Variants in HR observed in about 807,000 individuals in gnomAD.
The protein encoded by HR is lysine-specific demethylase hairless.
A neutral mutation model predicts 128.6 loss-of-function variants in HR; 83 were observed. The ratio of observed to expected loss-of-function variants is 0.65; its 90% CI spans 0.54 to 0.77. The LOEUF is 0.77. Among genes scored for constraint, HR ranks in the 30% least tolerant of loss-of-function variants. The pLI is 0.00. For missense variants in HR, 1,490 were observed against 1,574.6 expected, an observed-to-expected ratio of 0.95 and a Z score of 0.91; for synonymous variants, 681 against 658.2, an observed-to-expected ratio of 1.03 and a Z score of -0.53.
intron 6 of HR, 102 bp downstream of exon 6, chr8:22,123,547 T>C (rs1191523920): frequency 2.6e-6 from 3 of 1,165,636 alleles, no homozygotes; most frequent in South Asian, 2.9e-5. Flanking sequence ...GTGCAGTGGG[T>C]AGGGGGCTTT....
At chr8:22,123,616 A>AGAAC in intron 6 of HR, 33 bp downstream of exon 6, 1 of 562,348 alleles carries the variant, frequency 1.8e-6, no homozygotes, top group Admixed American at 3.3e-5. Flanking sequence ...TGAGGGCTCC[A>AGAAC]TCCCGCCCTC....
chr8:22,121,733 G>C (rs1219833489), intron 8 of HR, 39 bp from the exon 9 acceptor site: 2 of 1,589,746 alleles, frequency 1.3e-6, no homozygotes, highest in Middle Eastern at 1.7e-4. Flanking sequence ...TCCAACCAGA[G>C]ATTTTAAAAT....
intron 3 of HR, among the ~76,000 whole-genome samples, 176 bp from the exon 4 acceptor site, chr8:22,125,908 G>A (rs1475295756): frequency 6.6e-6 from 1 of 152,190 alleles, no homozygotes; most frequent in Non-Finnish European, 1.5e-5. Flanking sequence ...AGGCTCGCAC[G>A]CCAGGCTGAG....
Position 22,115,319 on chromosome 8 carries a change from C to A in HR, c.*381G>T, listed in dbSNP as rs1225914162. On this transcript the variant is annotated 3_prime_UTR_variant, in exon 19 of 19. Coordinates refer to ENST00000381418, the MANE Select transcript of HR (RefSeq NM_005144.5). The stretch of plus-strand genomic sequence containing the variant: ...AGCTGGGGCAGTAGAGTGGGCTCAG[C>A]GGGAGTGAGCAGCAGGAGGAGGTGT... The A allele has an allele frequency of 2.7e-6, 1 of 363,910 alleles. No individual in the cohort carries two copies. The allele number at this position is 363,910 out of a possible 1,614,324, so 22.5% of individuals were successfully genotyped here. A position where few individuals can be genotyped will look rare whatever the true frequency, so the allele number is the denominator to read the frequency against.
intron 1 of HR, among the ~76,000 whole-genome samples, chr8:22,129,437 GC>G (rs1338437052): frequency 2.6e-5 from 4 of 152,248 alleles, no homozygotes; most frequent in African/African-American, 4.8e-5. Context: ...CTGGGCCAGT[GC>G]CCCTCAGCGG....
At chr8:22,123,496 T>C (rs1826805497) in intron 6 of HR, among the ~76,000 whole-genome samples, 153 bp downstream of exon 6, 1 of 152,214 alleles carries the variant, frequency 6.6e-6, no homozygotes, top group African/African-American at 2.4e-5. Context: ...AGGGGAAGTC[T>C]GCTCTAAGGG....
Position 22,117,018 on chromosome 8 carries a change from C to G in HR, c.3235G>C (p.Ala1079Pro). ...CTGCCTGGGGCGCCAGGCTCCAGGG[C>G]GCCTGCCCCGGCCGGGCACACCTCA... ...LQMVCPAGAGALEPGAPGSCY... is the reference protein window; with the variant it reads ...LQMVCPAGAGPLEPGAPGSCY... The change falls in exon 17 of 19, where the codon GCC (alanine) becomes CCC (proline). Residue 1079 changes from alanine to proline, a missense_variant. Around this residue, in one of 3 missense-constraint regions of HR, gnomAD observed 423 missense variants for 495.9 expected, o/e 0.85. Coordinates refer to ENST00000381418, the MANE Select transcript of HR (RefSeq NM_005144.5). 6 of 1,514,352 alleles carry G rather than the reference C, an allele frequency of 4.0e-6. No individual in the cohort carries two copies. Among genetic ancestry groups the G allele is most frequent in the Non-Finnish European group, 5.3e-6 (6 of 1,136,662 alleles). The allele number at this position is 1,514,352 out of a possible 1,614,324, so 93.8% of individuals were successfully genotyped here.
At position 22,115,770 on chromosome 8, in the gene HR, A is replaced by G. The variant is rs185437175; in HGVS notation, c.3508-8T>C. The G allele has an allele frequency of 3.7e-6, 6 of 1,613,854 alleles. No homozygotes were observed. In the African/African-American group the frequency reaches 6.7e-5, roughly 18 times the overall value. ...GAACACAGCCCAGTCCATCTAGGAAAAAGAGAGAGGACAAAGCATTTTCAA... is the reference window on the plus strand; with the variant it reads ...GAACACAGCCCAGTCCATCTAGGAAGAAGAGAGAGGACAAAGCATTTTCAA... On this transcript the variant is annotated splice_region_variant and splice_polypyrimidine_tract_variant and intron_variant, in intron 18 of 18. Coordinates refer to ENST00000381418, the MANE Select transcript of HR (RefSeq NM_005144.5).
Position 22,119,806 on chromosome 8 carries a change from C to A in HR, c.2931G>T (p.Pro977=). The change falls in exon 14 of 19, where the codon CCG becomes CCT. Residue 977 remains proline (P), a synonymous_variant. Coordinates refer to ENST00000381418, the MANE Select transcript of HR (RefSeq NM_005144.5). ...GKLNLASYLP[P]GLALRPLEPQ... ...GCTCCAGTGGACGCAGGGCAAGGCC[C>A]GGTGGGAGGTAGGAAGCCAGGTTGA... The A allele has an allele frequency of 6.2e-7, 1 of 1,613,626 alleles. No homozygotes were observed. The highest frequency in any genetic ancestry group is 8.5e-7 in the Non-Finnish European group (1 of 1,179,902).
rs758392115 is a variant in HR at position 22,118,979 on chromosome 8, C to T, written c.3184G>A (p.Ala1062Thr). 92 of 1,612,064 alleles carry T rather than the reference C, an allele frequency of 5.7e-5. No homozygotes were observed. Among genetic ancestry groups the T allele is most frequent in the Middle Eastern group, 1.9e-4 (1 of 5,390 alleles). Residue 1062 changes from alanine (A) to threonine (T), a missense_variant, in exon 16 of 19, where the codon GCC becomes ACC. Transcript: ENST00000381418. ...TVWHVFRAQD[A>T]QRIRRFLQMV... ...TGGAGAAAGCGGCGGATGCGCTGGG[C>T]GTCCTGTGCCCGGAACACGTGCCAC... is the stretch of plus-strand genomic sequence containing the variant.
At chr8:22,118,162 C>T (rs1355821477) in intron 16 of HR, 3 of 152,734 alleles carry the variant, frequency 2.0e-5, no homozygotes, top group African/African-American at 7.2e-5. Context: ...ATGCTGGCCT[C>T]TGCACGTCTC....
Position 22,116,902 on chromosome 8 carries a change from C to T in HR, c.3351G>A (p.Val1117=). 6.4e-7 allele frequency: 1 copy of T among 1,566,482 alleles called. No homozygotes were observed. ...GGTGGGGAGCCCCTGCAGGCACCAG[C>T]ACGGCCTCTCCGGGGGCCTGGAGCA... ...WTLLQAPGEA[V]LVPAGAPHQV... The change falls in exon 17 of 19, where the codon GTG becomes GTA. Residue 1117 remains valine (V), a synonymous_variant. Transcript: ENST00000381418. This position sits in a 1 kb window ranked among gnomAD's most constrained non-coding sequence, Gnocchi z 4.2.
intron 12 of HR, 27 bp from the exon 13 acceptor site, chr8:22,120,200 G>A (rs1259040953): frequency 6.3e-7 from 1 of 1,593,144 alleles, no homozygotes; most frequent in Non-Finnish European, 8.5e-7. Context: ...AACGGCCATT[G>A]GCCTCCTCAG....
Position 22,120,820 on chromosome 8 carries a change from G to T in HR, c.2506C>A (p.Arg836=). The change falls in exon 11 of 19, where the codon CGG becomes AGG. Residue 836 remains arginine, a synonymous_variant. Transcript: ENST00000381418. ...GCCCCTGGGGGAGGCAGCCGGGGCC[G>T]CACTGGAGAGAGGGGCAGGCCCAGG... ...KGLGLPLSPV[R]PRLPPPGALL... is the part of the protein sequence containing the mutation. 3 of 1,550,424 alleles carry T rather than the reference G, an allele frequency of 1.9e-6. No homozygotes were observed. The highest frequency in any genetic ancestry group is 1.7e-6 in the Non-Finnish European group (2 of 1,146,766).
chr8:22,122,076 T>C (rs1199677987), intron 8 of HR, among the ~76,000 whole-genome samples: 1 of 152,182 alleles, frequency 6.6e-6, no homozygotes, highest in East Asian at 1.9e-4. Context: ...ATGACTTTTA[T>C]AATAAGAACA....
rs756365014 is a variant in HR at position 22,119,153 on chromosome 8, C to T, written c.3097+11G>A. On this transcript the variant is annotated intron_variant, in intron 15 of 18. Transcript: ENST00000381418. ...GCTTGTCCCCGCTCCTGCCTCTGGCCGAGGACCTACCTTTCTGTGCCCGGT... is the reference window on the plus strand; with the variant it reads ...GCTTGTCCCCGCTCCTGCCTCTGGCTGAGGACCTACCTTTCTGTGCCCGGT... 41 of 1,613,772 alleles carry T rather than the reference C, an allele frequency of 2.5e-5. No homozygotes were observed. Among genetic ancestry groups the T allele is most frequent in the Non-Finnish European group, 3.2e-5 (38 of 1,180,016 alleles).
chr8:22,123,782 T>A lies in HR; in HGVS notation c.1782A>T (p.Pro594=). The change falls in exon 6 of 19, where the codon CCA becomes CCT. Residue 594 remains proline, a synonymous_variant. Coordinates refer to ENST00000381418, the MANE Select transcript of HR (RefSeq NM_005144.5). ...AACGGCTGCAGCAGCGTGGAATGCC[T>A]GGGCTGTCCTCTGTCACGGCTGGCC... The part of the protein sequence containing the change: ...GQGPAVTEDS[P]GIPRCCSRCH... 6.2e-7 allele frequency: 1 copy of A among 1,604,134 alleles called. No individual in the cohort carries two copies. Among genetic ancestry groups the A allele is most frequent in the Non-Finnish European group, 8.5e-7 (1 of 1,177,962 alleles).
chr8:22,127,626 G>A lies in HR; in HGVS notation c.816C>T (p.Asp272=). The change falls in exon 3 of 19, where the codon GAC becomes GAT. Residue 272 remains aspartate, a synonymous_variant. Transcript: ENST00000381418. ...NPCPLFLGQP[D]TVPWTSWPAC... is the part of the protein sequence containing the mutation. ...CGGGCCAGGAGGTCCAGGGCACAGT[G>A]TCTGGCTGCCCCAGGAAGAGCGGGC... is the stretch of plus-strand genomic sequence containing the variant. The A allele has an allele frequency of 6.2e-7, 1 of 1,610,400 alleles. No homozygotes were observed. Among genetic ancestry groups the A allele is most frequent in the Non-Finnish European group, 8.5e-7 (1 of 1,179,182 alleles).
Position 22,119,858 on chromosome 8 carries a change from G to A in HR, c.2879C>T (p.Pro960Leu), listed in dbSNP as rs779682043. 200 of 1,613,650 alleles carry A rather than the reference G, an allele frequency of 1.2e-4. No individual in the cohort carries two copies. The highest frequency in any genetic ancestry group is 1.6e-4 in the Non-Finnish European group (192 of 1,180,014). ...TTTTCCATGGAGGGCGCAGTACTCC[G>A]GAAGTGGCAGACTGGCAGCTAGGTT... ...VENLAASLPL[P>L]EYCALHGKLN... Residue 960 changes from proline (P) to leucine (L), a missense_variant, in exon 14 of 19, where the codon CCG (proline) becomes CTG (leucine). Pro to Leu is a moderately conservative substitution (Grantham distance 98). This residue lies in a region of HR where 423 missense variants were observed against 495.9 expected (regional missense o/e 0.85). Transcript: ENST00000381418.
Sources: allele counts gnomAD v4.1 joint callset (sites outside exome capture counted in the v4.1 genomes callset), GRCh38; gene constraint gnomAD v4.1.1; regional missense constraint gnomAD v4.1.1; non-coding constraint Gnocchi (gnomAD v3.1); transcripts MANE v1.5; gene names NCBI Gene and HGNC (gene_info 2026-07-23, HGNC 2026-07-21).